TRIM37: variants seen among roughly 807,000 people sequenced by gnomAD.
TRIM37 encodes the protein E3 ubiquitin-protein ligase TRIM37.
In TRIM37, 80 loss-of-function variants were observed where a neutral mutation model predicts 129.8. The observed-to-expected ratio is 0.62, with a 90% CI of 0.51 to 0.74. TRIM37 has a LOEUF of 0.74. Among genes scored for constraint, TRIM37 ranks in the 30% least tolerant of loss-of-function variants. TRIM37 has a pLI of 0.00. For synonymous variants in TRIM37, 389 were observed against 387.1 expected, an observed-to-expected ratio of 1.00 and a Z score of -0.06; for missense variants, 1,054 against 1,176.5, an observed-to-expected ratio of 0.90 and a Z score of 1.52.
chr17:59,010,965 T>C (rs547615121), intron 22 of TRIM37, among the ~76,000 whole-genome samples: 1 of 152,002 alleles, frequency 6.6e-6, no homozygotes, highest in East Asian at 2.0e-4. Context: ...GGTCAGGAGT[T>C]CAAGACCAGC....
the TRIM37 span, among the ~76,000 whole-genome samples, chr17:58,973,199 C>T: frequency 2.0e-5 from 3 of 151,750 alleles, no homozygotes; most frequent in South Asian, 2.1e-4. Flanking sequence ...GGGTGTATCA[C>T]GAGGTCAGGA....
chr17:58,976,460 A>C, the TRIM37 span, among the ~76,000 whole-genome samples: 1 of 152,208 alleles, frequency 6.6e-6, no homozygotes, highest in Non-Finnish European at 1.5e-5. Context: ...GGGGGGCTGC[A>C]AAAGGACAAG....
At chr17:59,104,545 AG>A (rs771838171) in intron 1 of TRIM37, 151 bp from the exon 2 acceptor site, 2 of 796,818 alleles carry the variant, frequency 2.5e-6, no homozygotes, top group South Asian at 2.7e-5. Flanking sequence ...GTCAAGATAC[AG>A]AGTACCTCAA....
intron 18 of TRIM37, among the ~76,000 whole-genome samples, chr17:59,031,685 G>C (rs954544198): frequency 6.6e-6 from 1 of 152,168 alleles, no homozygotes; most frequent in Non-Finnish European, 1.5e-5. Context: ...AAACCTTCTT[G>C]CAGGCATTTT....
intron 24 of TRIM37, among the ~76,000 whole-genome samples, chr17:58,989,680 A>G (rs1323002655): frequency 2.0e-5 from 3 of 152,168 alleles, no homozygotes; most frequent in African/African-American, 7.2e-5. Flanking sequence ...CCTTAACTGA[A>G]ACACAACAGA....
chr17:59,029,596 A>T (rs556754634), intron 18 of TRIM37, among the ~76,000 whole-genome samples: 65 of 152,266 alleles, frequency 4.3e-4, no homozygotes, highest in Middle Eastern at 3.4e-3. Context: ...AGAAAAAAAT[A>T]AACATCAAAG....
intron 19 of TRIM37, among the ~76,000 whole-genome samples, chr17:59,025,289 C>T (rs2037109199): frequency 6.6e-6 from 1 of 151,384 alleles, no homozygotes; most frequent in Non-Finnish European, 1.5e-5. Flanking sequence ...ACAAAAAGTA[C>T]CAGAAGAAAT....
intron 20 of TRIM37, among the ~76,000 whole-genome samples, 197 bp from the exon 21 acceptor site, chr17:59,015,996 A>T (rs2035883804): frequency 6.6e-6 from 1 of 151,968 alleles, no homozygotes; most frequent in Non-Finnish European, 1.5e-5. Flanking sequence ...AATAAAATAA[A>T]ATAAAAGGAG....
chr17:59,070,324 T>A (rs951468298), intron 9 of TRIM37, among the ~76,000 whole-genome samples: 20 of 152,248 alleles, frequency 1.3e-4, no homozygotes, highest in African/African-American at 4.3e-4. Context: ...CAAATTCTTT[T>A]GGCATTTCAT....
At chr17:58,992,331 A>G (rs911129082) in intron 24 of TRIM37, among the ~76,000 whole-genome samples, 4 of 146,166 alleles carry the variant, frequency 2.7e-5, no homozygotes, top group African/African-American at 1.0e-4. Flanking sequence ...AAATATATAT[A>G]TATATATATA....
downstream of TRIM37, chr17:58,982,633 T>G: frequency 2.4e-6 from 1 of 422,832 alleles, no homozygotes; most frequent in East Asian, 4.0e-5. Flanking sequence ...CAAAAACAGC[T>G]TCACTTTAGC....
At chr17:59,003,439 A>T (rs2034044010) in intron 22 of TRIM37, among the ~76,000 whole-genome samples, 1 of 152,180 alleles carries the variant, frequency 6.6e-6, no homozygotes, top group Admixed American at 6.5e-5. Context: ...TCTGGAAGGA[A>T]GGTTCTAGGT....
downstream of TRIM37, chr17:58,981,227 T>C: frequency 1.9e-6 from 1 of 535,746 alleles, no homozygotes; most frequent in East Asian, 3.1e-5. Flanking sequence ...GCAGTTTCAC[T>C]TGCAAAATTA....
At chr17:59,052,290 G>T (rs528729845) in intron 13 of TRIM37, among the ~76,000 whole-genome samples, 2 of 151,464 alleles carry the variant, frequency 1.3e-5, no homozygotes, top group Non-Finnish European at 2.9e-5. Flanking sequence ...CTATATTTAA[G>T]GTGAAAAAAT....
intron 22 of TRIM37, among the ~76,000 whole-genome samples, chr17:59,002,260 G>T (rs1028709506): frequency 1.3e-5 from 2 of 152,104 alleles, no homozygotes; most frequent in Non-Finnish European, 2.9e-5. Flanking sequence ...GAGAGACAGG[G>T]TCTCGCTCTG....
At chr17:59,083,967 T>G in intron 5 of TRIM37, 35 bp downstream of exon 5, 1 of 1,560,980 alleles carries the variant, frequency 6.4e-7, no homozygotes, top group Admixed American at 1.7e-5. Flanking sequence ...TTCTAGCCTC[T>G]AACTTAAAAA....
At chr17:59,085,327 A>C (rs1321253042) in intron 4 of TRIM37, among the ~76,000 whole-genome samples, 1 of 147,760 alleles carries the variant, frequency 6.8e-6, no homozygotes, top group East Asian at 1.9e-4. Flanking sequence ...ACTCTGCCTC[A>C]AAAAAAAAAG....
chr17:58,992,814 C>T (rs185655514), intron 24 of TRIM37, among the ~76,000 whole-genome samples: 18 of 152,292 alleles, frequency 1.2e-4, no homozygotes, highest in Admixed American at 3.9e-4. Flanking sequence ...TAGCCAGCCC[C>T]GATCCTGAGT....
chr17:59,015,940 C>T (rs953667745), intron 20 of TRIM37, 141 bp from the exon 21 acceptor site: 2 of 714,916 alleles, frequency 2.8e-6, no homozygotes, highest in South Asian at 1.6e-5. Context: ...GATTGTGCTA[C>T]ACTCCAGCCT....
Sources: gnomAD v4.1 joint callset for allele counts (sites outside exome capture counted in the v4.1 genomes callset) on GRCh38, gnomAD v4.1.1 for gene constraint, MANE v1.5 for transcripts, NCBI Gene and HGNC (gene_info 2026-07-23, HGNC 2026-07-21) for gene names.